DCDC2: variants seen among roughly 807,000 people sequenced by gnomAD.
The protein encoded by DCDC2 is doublecortin domain containing 2.
Under a neutral mutation model 50.2 loss-of-function variants are expected in DCDC2, and 40 were observed. The observed-to-expected ratio is 0.80, with a 90% CI of 0.62 to 1.04. The LOEUF (loss-of-function observed/expected upper bound fraction) is 1.04. DCDC2 is among the 50% of genes least tolerant of loss of function. The pLI is 0.00. For synonymous variants in DCDC2, 234 were observed against 210.6 expected (o/e 1.11, Z -0.96); for missense variants, 570 against 581.9 (o/e 0.98, Z 0.21).
At chr6:24,320,315 TTTTG>T (rs142596714) in intron 2 of DCDC2, among the ~76,000 whole-genome samples, 1,678 of 152,116 alleles carry the variant, frequency 0.011, 21 homozygotes, top group African/African-American at 0.037. Flanking sequence ...ATTTTTTGGT[TTTTG>T]TTTGTTTGTT....
intron 2 of DCDC2, among the ~76,000 whole-genome samples, chr6:24,320,352 G>A (rs1161498732): frequency 6.6e-6 from 1 of 152,100 alleles, no homozygotes; most frequent in Admixed American, 6.6e-5. Flanking sequence ...GGTGGGGTTT[G>A]AGACAGAGTC....
chr6:24,293,456 C>G (rs1473604751), intron 4 of DCDC2, among the ~76,000 whole-genome samples: 2 of 152,152 alleles, frequency 1.3e-5, no homozygotes, highest in Non-Finnish European at 2.9e-5. Flanking sequence ...AACCAAATCT[C>G]TCATATCTGC....
At chr6:24,341,541 C>T (rs10806988) in intron 2 of DCDC2, among the ~76,000 whole-genome samples, 9,815 of 151,884 alleles carry the variant, frequency 0.065, 397 homozygotes, top group Middle Eastern at 0.088. Context: ...TGCCTCCATC[C>T]ATCTGTTTTG....
intron 2 of DCDC2, among the ~76,000 whole-genome samples, chr6:24,307,862 G>A (rs1281475557): frequency 6.6e-6 from 1 of 152,010 alleles, no homozygotes; most frequent in Non-Finnish European, 1.5e-5. Flanking sequence ...TTGAGGGGAT[G>A]TGCCATAACT....
upstream of DCDC2, chr6:24,358,161 C>CCCAATT (rs1760518447): frequency 2.1e-6 from 1 of 468,726 alleles, no homozygotes; most frequent in Middle Eastern, 5.7e-4. Flanking sequence ...TATGGTGAAA[C>CCCAATT]CCAATTTCTT....
intron 6 of DCDC2, among the ~76,000 whole-genome samples, chr6:24,281,150 AAGG>A (rs1003403457): frequency 2.2e-4 from 34 of 152,284 alleles, no homozygotes; most frequent in African/African-American, 8.2e-4. Flanking sequence ...ACACTCGAAA[AAGG>A]GTAATTTTGG....
chr6:24,265,976 A>G (rs1431514867), intron 7 of DCDC2, among the ~76,000 whole-genome samples: 1 of 151,956 alleles, frequency 6.6e-6, no homozygotes, highest in African/African-American at 2.4e-5. Context: ...AAATTGACAA[A>G]TTTTTAGCCA....
chr6:24,192,495 CA>C (rs894515114), intron 8 of DCDC2, among the ~76,000 whole-genome samples: 1 of 150,934 alleles, frequency 6.6e-6, no homozygotes, highest in African/African-American at 2.4e-5. Flanking sequence ...ACAAAGAAAA[CA>C]AAAAAGAACC....
chr6:24,358,873 T>TA (rs1760548761), upstream of DCDC2, among the ~76,000 whole-genome samples: 7 of 18,734 alleles, frequency 3.7e-4, no homozygotes, highest in South Asian at 1.6e-3. Flanking sequence ...ATATAATATA[T>TA]ATGTATTATA....
At chr6:24,260,940 A>C (rs72830851) in intron 7 of DCDC2, among the ~76,000 whole-genome samples, 14,089 of 152,224 alleles carry the variant, frequency 0.093, 812 homozygotes, top group East Asian at 0.17. Context: ...TCTGGTACCA[A>C]TGTGGGGTAA....
At chr6:24,358,973 T>TATATA (rs1357133418), upstream of DCDC2, among the ~76,000 whole-genome samples, 373 of 49,506 alleles carry the variant, frequency 7.5e-3, 4 homozygotes, top group African/African-American at 0.039. Context: ...TATTATATAT[T>TATATA]TTATACATTA....
chr6:24,220,888 G>GAGAC lies in DCDC2; in HGVS notation c.923-15787_923-15786insGTCT, dbSNP rs1373162474. On this transcript the variant is annotated intron_variant, in intron 7 of 9. Transcript: ENST00000378454. ...AGAGAGCAAGAGAGCGAGAGCGAGA[G>GAGAC]AGTGAGCGAGCGAGCGAGAGAGTGA... Among the ~76,000 whole-genome samples the GAGAC allele has an allele frequency of 3.2e-3, 414 of 128,512 alleles. 6 individuals carry two copies. The highest frequency in any genetic ancestry group is 3.8e-3 in the Middle Eastern group (1 of 260). 84.3% of individuals were successfully genotyped at this position (128,512 alleles called of 152,430 possible).
At chr6:24,217,473 G>A (rs1232515499) in intron 7 of DCDC2, among the ~76,000 whole-genome samples, 1 of 152,128 alleles carries the variant, frequency 6.6e-6, no homozygotes, top group African/African-American at 2.4e-5. Flanking sequence ...CTAACTCTCA[G>A]ACAAGTGCTA....
intron 7 of DCDC2, among the ~76,000 whole-genome samples, chr6:24,271,946 C>A (rs73394078): frequency 0.12 from 18,142 of 152,038 alleles, 1,082 homozygotes; most frequent in East Asian, 0.17. Flanking sequence ...CAAACTCAAC[C>A]CTGGGCTACA....
chr6:24,245,794 A>C (rs1161863613), intron 7 of DCDC2, among the ~76,000 whole-genome samples: 1 of 152,242 alleles, frequency 6.6e-6, no homozygotes, highest in Non-Finnish European at 1.5e-5. Flanking sequence ...GACAACAGAA[A>C]CAATACTGAA....
chr6:24,276,717 G>A (rs562699796), intron 7 of DCDC2, among the ~76,000 whole-genome samples: 3 of 152,078 alleles, frequency 2.0e-5, no homozygotes, highest in Admixed American at 6.5e-5. Flanking sequence ...ATAGGCACTC[G>A]GTAAATATTT....
At chr6:24,184,651 GATCTAGGAAAGA>G (rs1761152882) in intron 8 of DCDC2, among the ~76,000 whole-genome samples, 1 of 152,044 alleles carries the variant, frequency 6.6e-6, no homozygotes, top group Admixed American at 6.6e-5. Flanking sequence ...CTTTTGGTGT[GATCTAGGAAAGA>G]AACATTATTA....
intron 7 of DCDC2, among the ~76,000 whole-genome samples, chr6:24,227,930 A>C (rs1267628951): frequency 1.3e-5 from 2 of 152,154 alleles, no homozygotes; most frequent in Non-Finnish European, 2.9e-5. Context: ...CACTGCTTTC[A>C]AGTTGCTGGA....
chr6:24,297,733 C>G (rs2113835300), intron 4 of DCDC2, among the ~76,000 whole-genome samples: 1 of 152,086 alleles, frequency 6.6e-6, no homozygotes, highest in African/African-American at 2.4e-5. Context: ...TTGAGATCTG[C>G]CTTTACTTAT....
Sources: gnomAD v4.1 joint callset for allele counts (sites outside exome capture counted in the v4.1 genomes callset) on GRCh38, gnomAD v4.1.1 for gene constraint, MANE v1.5 for transcripts, NCBI Gene and HGNC (gene_info 2026-07-23, HGNC 2026-07-21) for gene names.